Variants in NEDD4L observed in about 807,000 individuals in gnomAD.
NEDD4L encodes the protein NEDD4 like E3 ubiquitin protein ligase.
Under a neutral mutation model 148.9 loss-of-function variants are expected in NEDD4L, and 54 were observed. The observed-to-expected ratio is 0.36, with a 90% confidence interval of 0.29 to 0.45. The LOEUF is 0.45. Ranked by LOEUF, NEDD4L falls within the 20% of genes least tolerant of loss-of-function variation. The pLI is 1.00. For synonymous variants in NEDD4L, 433 were observed against 440.7 expected, an observed-to-expected ratio of 0.98 and a Z score of 0.22; for missense variants, 856 against 1,233.8, an observed-to-expected ratio of 0.69 and a Z score of 4.59.
rs2044855836 is a variant in NEDD4L at position 58,357,587 on chromosome 18, A to G, written c.1767+335A>G. 13 of 463,930 alleles carry G rather than the reference A, an allele frequency of 2.8e-5. 1 individual carries two copies. Among genetic ancestry groups the G allele is most frequent in the South Asian group, 2.1e-4 (12 of 56,770 alleles). The allele number at this position is 463,930 out of a possible 1,614,324, so 28.7% of individuals were successfully genotyped here. On this transcript the variant is annotated intron_variant, in intron 19 of 30. Transcript: ENST00000400345. ...TGAAGCAAAACCAAGCCCTATCTTC[A>G]TAAAGTGTTATCATTTCTTTAGGCC...
At chr18:58,069,992 G>A (rs2082783904) in intron 1 of NEDD4L, among the ~76,000 whole-genome samples, 1 of 152,158 alleles carries the variant, frequency 6.6e-6, no homozygotes. Flanking sequence ...TAAACCACTG[G>A]AAGGGACAGA....
intron 2 of NEDD4L, among the ~76,000 whole-genome samples, chr18:58,171,842 A>C (rs1887352300): frequency 6.6e-6 from 1 of 152,218 alleles, no homozygotes; most frequent in South Asian, 2.1e-4. Context: ...AAAAATGAGC[A>C]TAGAGAGAAG....
chr18:58,274,582 C>T (rs2051582183), intron 5 of NEDD4L, among the ~76,000 whole-genome samples: 1 of 152,162 alleles, frequency 6.6e-6, no homozygotes, highest in South Asian at 2.1e-4. Flanking sequence ...AATTATTCAC[C>T]TTGAAGAACA....
chr18:58,290,549 A>C (rs1425314440), intron 5 of NEDD4L, among the ~76,000 whole-genome samples: 1 of 152,188 alleles, frequency 6.6e-6, no homozygotes, highest in Non-Finnish European at 1.5e-5. Flanking sequence ...TAGGTAGGCG[A>C]TCCCTTATCT....
intron 2 of NEDD4L, among the ~76,000 whole-genome samples, chr18:58,219,656 G>T (rs1005040370): frequency 1.3e-5 from 2 of 152,058 alleles, no homozygotes; most frequent in Non-Finnish European, 2.9e-5. Context: ...TCTCCTGTTC[G>T]TATAAGGGCA....
intron 8 of NEDD4L, among the ~76,000 whole-genome samples, chr18:58,324,300 C>T (rs2059115273): frequency 6.6e-6 from 1 of 152,190 alleles, no homozygotes; most frequent in South Asian, 2.1e-4. Flanking sequence ...GAAGGGAATA[C>T]GTAATGCCTA....
At chr18:58,345,101 T>C (rs2042883387) in intron 16 of NEDD4L, among the ~76,000 whole-genome samples, 1 of 152,268 alleles carries the variant, frequency 6.6e-6, no homozygotes, top group Non-Finnish European at 1.5e-5. Flanking sequence ...ACCCAGATAC[T>C]TGTTATTGAC....
chr18:58,165,432 T>G (rs1434010488), intron 1 of NEDD4L, among the ~76,000 whole-genome samples: 1 of 152,238 alleles, frequency 6.6e-6, no homozygotes, highest in Non-Finnish European at 1.5e-5. Context: ...GTTATATTTA[T>G]GCAAACTTGT....
intron 1 of NEDD4L, among the ~76,000 whole-genome samples, chr18:58,109,261 G>C (rs2085266497): frequency 6.6e-6 from 1 of 152,206 alleles, no homozygotes. Flanking sequence ...TTGTCATGCA[G>C]GTATTGAAGA....
At chr18:58,391,086 G>C (rs944605149) in intron 29 of NEDD4L, among the ~76,000 whole-genome samples, 16 of 151,956 alleles carry the variant, frequency 1.1e-4, no homozygotes, top group Non-Finnish European at 2.1e-4. Context: ...ACCTCCAGTA[G>C]GCAGAATTTT....
chr18:58,378,548 G>C (rs2047885842), intron 24 of NEDD4L, among the ~76,000 whole-genome samples: 1 of 152,210 alleles, frequency 6.6e-6, no homozygotes, highest in Non-Finnish European at 1.5e-5. Flanking sequence ...TGGGGAGACG[G>C]GAAGTGGGAA....
intron 5 of NEDD4L, among the ~76,000 whole-genome samples, chr18:58,308,745 T>G (rs1049355088): frequency 3.3e-5 from 5 of 152,182 alleles, no homozygotes; most frequent in African/African-American, 4.8e-5. Context: ...TTGGGCTGCT[T>G]CTTCCTCCAC....
chr18:58,324,871 G>A lies in NEDD4L; in HGVS notation c.514-125G>A, dbSNP rs545630604. ...TGGGAATTTACTCAAATGTGGCCCC[G>A]AAGCCATGGCTAGAGCCAGAGAGCC... On this transcript the variant is annotated intron_variant, in intron 8 of 30. Transcript: ENST00000400345. The A allele has an allele frequency of 4.6e-5, 38 of 834,848 alleles. No individual in the cohort carries two copies. In the Admixed American group the frequency reaches 5.5e-4, roughly 12 times the overall value. The allele number at this position is 834,848 out of a possible 1,614,324, so 51.7% of individuals were successfully genotyped here.
chr18:58,339,778 T>C (rs1481851408), intron 13 of NEDD4L, among the ~76,000 whole-genome samples: 1 of 152,178 alleles, frequency 6.6e-6, no homozygotes, highest in African/African-American at 2.4e-5. Context: ...AGCATCCTTG[T>C]TGGTGCTTTC....
chr18:58,154,146 C>T (rs1175706836), intron 1 of NEDD4L, among the ~76,000 whole-genome samples: 4 of 152,086 alleles, frequency 2.6e-5, no homozygotes, highest in African/African-American at 4.8e-5. Context: ...GTGACATGGG[C>T]GTTTAAAAAG....
intron 1 of NEDD4L, among the ~76,000 whole-genome samples, chr18:58,114,932 A>G (rs1012640968): frequency 1.3e-5 from 2 of 152,194 alleles, no homozygotes; most frequent in African/African-American, 4.8e-5. Context: ...AGCCCTTGTG[A>G]TTCCATTGTG....
chr18:58,149,617 T>C lies in NEDD4L; in HGVS notation c.49-16171T>C, dbSNP rs941832067. 3 of 1,098,418 alleles carry C rather than the reference T, an allele frequency of 2.7e-6. No individual in the cohort carries two copies. The African/African-American group carries it at 4.7e-5, about 17-fold the overall frequency. 68.0% of individuals were successfully genotyped at this position (1,098,418 alleles called of 1,614,324 possible). On this transcript the variant is annotated intron_variant, in intron 1 of 30. Coordinates refer to ENST00000400345, the MANE Select transcript of NEDD4L (RefSeq NM_001144967.3). ...AGGAGGTTTTACCTTCCTGTGGCAT[T>C]CTGAAGCTCTCCACATCCACCCATA...
At chr18:58,098,782 T>C (rs192328480) in intron 1 of NEDD4L, among the ~76,000 whole-genome samples, 2 of 152,296 alleles carry the variant, frequency 1.3e-5, no homozygotes, top group Admixed American at 1.3e-4. Context: ...GGTGAGAAGA[T>C]AGTGGTGGCT....
At chr18:58,130,912 G>A (rs1307551474) in intron 1 of NEDD4L, among the ~76,000 whole-genome samples, 11 of 141,804 alleles carry the variant, frequency 7.8e-5, no homozygotes, top group Middle Eastern at 4.7e-3. Flanking sequence ...GTGATCTAGC[G>A]GAACTGTGGT....
Sources: gnomAD v4.1 joint callset for allele counts (sites outside exome capture counted in the v4.1 genomes callset) on GRCh38, gnomAD v4.1.1 for gene constraint, MANE v1.5 for transcripts, NCBI Gene and HGNC (gene_info 2026-07-23, HGNC 2026-07-21) for gene names.